Variants in HTR7 observed in about 807,000 individuals in gnomAD.
The protein encoded by HTR7 is 5-HT-7.
HTR7 carries 16 observed loss-of-function variants against 34.0 expected under a neutral mutation model. The observed-to-expected ratio is 0.47, with a 90% CI of 0.32 to 0.71. The LOEUF (loss-of-function observed/expected upper bound fraction) is 0.71, where lower values mean the gene tolerates loss of function less well. HTR7 is among the 30% of genes least tolerant of loss of function. HTR7 has a pLI of 0.04. For missense variants in HTR7, 504 were observed against 625.5 expected, an observed-to-expected ratio of 0.81 and a Z score of 2.07; for synonymous variants, 265 against 260.2, an observed-to-expected ratio of 1.02 and a Z score of -0.18.
intron 1 of HTR7, among the ~76,000 whole-genome samples, chr10:90,848,129 C>T (rs1331069939): frequency 7.2e-6 from 1 of 138,246 alleles, no homozygotes; most frequent in African/African-American, 2.8e-5. Flanking sequence ...AGTGCAATGG[C>T]GCGATCTCGG....
chr10:90,820,559 T>C (rs1845963556), intron 1 of HTR7, among the ~76,000 whole-genome samples: 1 of 152,162 alleles, frequency 6.6e-6, no homozygotes, highest in Non-Finnish European at 1.5e-5. Flanking sequence ...ATGAGTTTTA[T>C]ACATACAGGA....
intron 1 of HTR7, among the ~76,000 whole-genome samples, chr10:90,849,118 G>A (rs955155184): frequency 1.3e-5 from 2 of 152,224 alleles, no homozygotes; most frequent in African/African-American, 4.8e-5. Flanking sequence ...TTTCAAGTTT[G>A]TGGATTCTAT....
At chr10:90,770,175 G>A (rs191379382) in intron 1 of HTR7, among the ~76,000 whole-genome samples, 225 of 152,342 alleles carry the variant, frequency 1.5e-3, no homozygotes, top group African/African-American at 4.9e-3. Context: ...GGGAGGGCAC[G>A]GGAAGGAGGC....
chr10:90,825,597 G>A (rs185653986), intron 1 of HTR7, among the ~76,000 whole-genome samples: 76 of 152,308 alleles, frequency 5.0e-4, no homozygotes, highest in African/African-American at 1.8e-3. Flanking sequence ...AAAACTCAAT[G>A]AAATTTAAGA....
At chr10:90,772,600 C>A (rs546842696) in intron 1 of HTR7, among the ~76,000 whole-genome samples, 42 of 152,216 alleles carry the variant, frequency 2.8e-4, no homozygotes, top group African/African-American at 9.9e-4. Context: ...ACTTACCGTC[C>A]ATTTCTAAGT....
chr10:90,841,496 G>A (rs575086874), intron 1 of HTR7, among the ~76,000 whole-genome samples: 3 of 152,180 alleles, frequency 2.0e-5, no homozygotes, highest in East Asian at 1.9e-4. Flanking sequence ...CACCTTTTCC[G>A]TCTTTTAGAG....
intron 1 of HTR7, among the ~76,000 whole-genome samples, chr10:90,811,494 T>A (rs1201424837): frequency 6.6e-6 from 1 of 152,126 alleles, no homozygotes; most frequent in Non-Finnish European, 1.5e-5. Context: ...AGTTTATTGA[T>A]GGCAGTTCCA....
At chr10:90,772,160 G>C (rs546509022) in intron 1 of HTR7, among the ~76,000 whole-genome samples, 1 of 151,950 alleles carries the variant, frequency 6.6e-6, no homozygotes, top group Non-Finnish European at 1.5e-5. Flanking sequence ...GGTCATAGCA[G>C]CATAATTTTT....
intron 1 of HTR7, among the ~76,000 whole-genome samples, chr10:90,772,034 T>C (rs540904787): frequency 7.2e-5 from 11 of 152,360 alleles, no homozygotes; most frequent in African/African-American, 2.4e-4. Context: ...AAGCCATTTA[T>C]GTATACAAGT....
intron 1 of HTR7, among the ~76,000 whole-genome samples, chr10:90,839,931 G>T (rs1312780766): frequency 1.3e-5 from 2 of 151,734 alleles, no homozygotes; most frequent in African/African-American, 2.4e-5. Context: ...TAAATTTTCT[G>T]ACATGAATGA....
intron 1 of HTR7, among the ~76,000 whole-genome samples, chr10:90,799,960 T>A (rs902404961): frequency 6.6e-6 from 1 of 152,162 alleles, no homozygotes; most frequent in African/African-American, 2.4e-5. Context: ...TATAAAGAAC[T>A]GCTACAATTC....
At position 90,749,039 on chromosome 10, in the gene HTR7, C is replaced by T. The variant is rs1199150030; in HGVS notation, c.1095G>A (p.Val365=). 7 of 1,614,064 alleles carry T rather than the reference C, an allele frequency of 4.3e-6. No homozygotes were observed. Among genetic ancestry groups the T allele is most frequent in the Non-Finnish European group, 5.9e-6 (7 of 1,179,980 alleles). The change falls in exon 2 of 4, where the codon GTG becomes GTA. Residue 365 remains valine, a synonymous_variant. Coordinates refer to ENST00000336152, the MANE Select transcript of HTR7 (RefSeq NM_019859.4). The surrounding 1 kb of genome is among the most constrained non-coding windows in gnomAD (Gnocchi z 4.2). ...GTSCSCIPLW[V]ERTFLWLGYA... is the part of the protein sequence containing the mutation. ...AGCCTAGCCACAGAAATGTCCTCTC[C>T]ACCCACAGTGGGATGCAGCTGCAGG...
intron 1 of HTR7, among the ~76,000 whole-genome samples, chr10:90,750,730 A>G (rs1844720507): frequency 6.6e-6 from 1 of 152,238 alleles, no homozygotes; most frequent in African/African-American, 2.4e-5. Context: ...TTCTGCTAGA[A>G]ATATCCTTTA....
intron 1 of HTR7, among the ~76,000 whole-genome samples, chr10:90,828,020 G>A (rs1187722832): frequency 1.3e-5 from 2 of 152,254 alleles, no homozygotes; most frequent in East Asian, 3.9e-4. Flanking sequence ...TATCTTCTCT[G>A]ACCACAATGG....
At chr10:90,851,410 T>C (rs1233494005) in intron 1 of HTR7, among the ~76,000 whole-genome samples, 1 of 151,710 alleles carries the variant, frequency 6.6e-6, no homozygotes, top group Non-Finnish European at 1.5e-5. Context: ...ATCAAGACCA[T>C]CCTGGCTAAC....
At chr10:90,816,911 T>C (rs1453625752) in intron 1 of HTR7, among the ~76,000 whole-genome samples, 1 of 152,250 alleles carries the variant, frequency 6.6e-6, no homozygotes, top group Admixed American at 6.5e-5. Flanking sequence ...TTTAGCTCTT[T>C]TATTGCATAA....
intron 3 of HTR7, 78 bp from the exon 4 acceptor site, chr10:90,742,606 C>G (rs1844571635): frequency 2.0e-6 from 2 of 998,930 alleles, no homozygotes; most frequent in African/African-American, 1.6e-5. Context: ...GGTAGGTGGA[C>G]TTAATTTTTA....
intron 1 of HTR7, among the ~76,000 whole-genome samples, chr10:90,761,186 A>G (rs1393321887): frequency 6.6e-6 from 1 of 152,142 alleles, no homozygotes; most frequent in African/African-American, 2.4e-5. Flanking sequence ...GATACTTACT[A>G]CATGTTATTT....
At chr10:90,765,755 C>T (rs183097199) in intron 1 of HTR7, among the ~76,000 whole-genome samples, 2 of 152,038 alleles carry the variant, frequency 1.3e-5, no homozygotes, top group Non-Finnish European at 2.9e-5. Context: ...TTTTCAATTA[C>T]TCTTTACATT....
Sources: allele counts gnomAD v4.1 joint callset (sites outside exome capture counted in the v4.1 genomes callset), GRCh38; gene constraint gnomAD v4.1.1; non-coding constraint Gnocchi (gnomAD v3.1); transcripts MANE v1.5; gene names NCBI Gene and HGNC (gene_info 2026-07-23, HGNC 2026-07-21).